RABGAP1L: variants seen among roughly 807,000 people sequenced by gnomAD.
The protein encoded by RABGAP1L is rab GTPase-activating protein 1-like.
A neutral mutation model predicts 137.7 loss-of-function variants in RABGAP1L; 63 were observed. The ratio of observed to expected loss-of-function variants is 0.46; its 90% CI spans 0.37 to 0.56. The LOEUF is 0.56. Ranked by LOEUF, RABGAP1L falls within the 20% of genes least tolerant of loss-of-function variation. The probability of loss-of-function intolerance (pLI) is 0.00; values close to 1 mark genes in which losing one functional copy is unlikely to be tolerated. For missense variants in RABGAP1L, 1,095 were observed against 1,244.0 expected (o/e 0.88, Z 1.80); for synonymous variants, 431 against 433.7 (o/e 0.99, Z 0.08).
At chr1:174,359,253 C>G (rs570813237) in intron 11 of RABGAP1L, among the ~76,000 whole-genome samples, 1 of 152,148 alleles carries the variant, frequency 6.6e-6, no homozygotes, top group African/African-American at 2.4e-5. Context: ...CTTTTTCATT[C>G]TTATTTCCTT....
chr1:174,174,258 A>G (rs1317627437), intron 1 of RABGAP1L, among the ~76,000 whole-genome samples: 4 of 152,038 alleles, frequency 2.6e-5, no homozygotes, highest in African/African-American at 9.7e-5. Context: ...TAGATAATAC[A>G]AGGAAAACAT....
rs2149405551 is a variant in RABGAP1L at position 174,993,487 on chromosome 1, CT to C, written c.*3489del. 1 of 152,242 alleles carries C rather than the reference CT, an allele frequency of 6.6e-6. No individual in the cohort carries two copies. The highest frequency in any genetic ancestry group is 1.9e-4 in the East Asian group (1 of 5,194). 9.4% of individuals were successfully genotyped at this position (152,242 alleles called of 1,614,324 possible). A position where few individuals can be genotyped will look rare whatever the true frequency, so the allele number is the denominator to read the frequency against. On this transcript the variant is annotated 3_prime_UTR_variant, in exon 26 of 26. Transcript: ENST00000681986. Reference sequence around the variant, plus strand: ...ATATTTTCCAGTTAATAACTAGTTGCTTTATTTCCTAGCTGAAGTGAGAAAA... The same window carrying C: ...ATATTTTCCAGTTAATAACTAGTTGCTTATTTCCTAGCTGAAGTGAGAAAA...
At chr1:174,183,520 T>A (rs577549349) in intron 1 of RABGAP1L, among the ~76,000 whole-genome samples, 1 of 152,350 alleles carries the variant, frequency 6.6e-6, no homozygotes, top group Admixed American at 6.5e-5. Context: ...TGCATACCCC[T>A]GCCCTTACAC....
chr1:174,586,696 C>G (rs1185633138), intron 13 of RABGAP1L, among the ~76,000 whole-genome samples: 1 of 152,140 alleles, frequency 6.6e-6, no homozygotes, highest in Non-Finnish European at 1.5e-5. Context: ...CTCCCGAGTT[C>G]AAGCAATTCT....
At chr1:174,804,412 A>G (rs915691274) in intron 18 of RABGAP1L, among the ~76,000 whole-genome samples, 1 of 151,470 alleles carries the variant, frequency 6.6e-6, no homozygotes, top group Non-Finnish European at 1.5e-5. Context: ...CTGGGACTAC[A>G]GGCGCCCACC....
intron 13 of RABGAP1L, among the ~76,000 whole-genome samples, chr1:174,610,153 C>T (rs1279074275): frequency 2.7e-5 from 4 of 150,408 alleles, no homozygotes; most frequent in Non-Finnish European, 1.5e-5. Context: ...GTGCTGCACC[C>T]ATTAACTCGT....
chr1:174,857,103 C>G (rs1176772955), intron 19 of RABGAP1L, among the ~76,000 whole-genome samples: 1 of 152,214 alleles, frequency 6.6e-6, no homozygotes, highest in Non-Finnish European at 1.5e-5. Flanking sequence ...AATTCTACCA[C>G]TGCCCCAGGG....
chr1:174,646,545 C>G (rs186538442), intron 14 of RABGAP1L, among the ~76,000 whole-genome samples: 23 of 151,950 alleles, frequency 1.5e-4, no homozygotes, highest in Admixed American at 1.5e-3. Flanking sequence ...ATTTCTGAGG[C>G]CTCTGTTCTG....
intron 11 of RABGAP1L, among the ~76,000 whole-genome samples, chr1:174,308,359 T>G (rs1424814858): frequency 6.6e-6 from 1 of 152,140 alleles, no homozygotes; most frequent in Non-Finnish European, 1.5e-5. Flanking sequence ...TTGTTTCCTT[T>G]GTTTTGCAGA....
intron 19 of RABGAP1L, among the ~76,000 whole-genome samples, chr1:174,934,528 T>C (rs1012660987): frequency 2.0e-5 from 3 of 152,168 alleles, no homozygotes; most frequent in Non-Finnish European, 2.9e-5. Flanking sequence ...GGCTCGCGTG[T>C]GTAATCCCAG....
chr1:174,576,759 A>G lies in RABGAP1L; in HGVS notation c.1711-60616A>G, dbSNP rs970782933. 5.3e-5 allele frequency among the ~76,000 whole-genome samples: 8 copies of G among 152,360 alleles called. No homozygotes were observed. The South Asian group carries it at 1.4e-3, about 28-fold the overall frequency. On this transcript the variant is annotated intron_variant, in intron 13 of 25. Transcript: ENST00000681986. ...AAGCTTTCTCCAGATTTAACATCCTATGATTCACTGACTGTGTAAATTAAT... is the reference window on the plus strand; with the variant it reads ...AAGCTTTCTCCAGATTTAACATCCTGTGATTCACTGACTGTGTAAATTAAT...
chr1:174,902,338 T>G (rs1304980327), intron 19 of RABGAP1L, among the ~76,000 whole-genome samples: 1 of 152,158 alleles, frequency 6.6e-6, no homozygotes, highest in African/African-American at 2.4e-5. Context: ...CCCCAGGAAC[T>G]CAGAGTTGTC....
intron 11 of RABGAP1L, among the ~76,000 whole-genome samples, chr1:174,366,841 T>G (rs895813591): frequency 5.3e-5 from 8 of 151,690 alleles, no homozygotes; most frequent in Admixed American, 5.3e-4. Context: ...TTCTGCCATT[T>G]TCTTCTGCTC....
At chr1:174,489,588 A>G (rs888319378) in intron 13 of RABGAP1L, among the ~76,000 whole-genome samples, 1 of 151,824 alleles carries the variant, frequency 6.6e-6, no homozygotes, top group Non-Finnish European at 1.5e-5. Flanking sequence ...GTGGGACTGT[A>G]AACTAGTTCA....
chr1:174,457,706 T>C (rs1656204735), intron 13 of RABGAP1L, among the ~76,000 whole-genome samples: 1 of 152,088 alleles, frequency 6.6e-6, no homozygotes, highest in East Asian at 1.9e-4. Context: ...TTTGACCATG[T>C]TGGCCAGGCT....
At chr1:174,521,974 G>A (rs112335794) in intron 13 of RABGAP1L, among the ~76,000 whole-genome samples, 13,641 of 152,126 alleles carry the variant, frequency 0.09, 829 homozygotes, top group East Asian at 0.22. Context: ...AGCTACTCAG[G>A]AGGCTGAAGC....
At chr1:174,373,421 A>C (rs1039458643) in intron 12 of RABGAP1L, among the ~76,000 whole-genome samples, 2 of 152,206 alleles carry the variant, frequency 1.3e-5, no homozygotes. Context: ...ATGGGACTGG[A>C]GAAATAAAAT....
intron 19 of RABGAP1L, among the ~76,000 whole-genome samples, chr1:174,886,012 ATT>A (rs530537282): frequency 1.3e-4 from 17 of 135,850 alleles, no homozygotes; most frequent in Admixed American, 1.5e-4. Context: ...AGAGAAACCA[ATT>A]TTTTTTTTTT....
intron 11 of RABGAP1L, among the ~76,000 whole-genome samples, chr1:174,347,677 G>A (rs922716656): frequency 6.6e-6 from 1 of 152,046 alleles, no homozygotes; most frequent in Non-Finnish European, 1.5e-5. Flanking sequence ...GTATTTTTTA[G>A]TGGAGATGCG....
Sources: allele counts gnomAD v4.1 joint callset (sites outside exome capture counted in the v4.1 genomes callset), GRCh38; gene constraint gnomAD v4.1.1; transcripts MANE v1.5; gene names NCBI Gene and HGNC (gene_info 2026-07-23, HGNC 2026-07-21).